Variants in ACTR5 observed in about 807,000 individuals in gnomAD.
ACTR5 encodes the protein actin-related protein 5.
A neutral mutation model predicts 61.2 loss-of-function variants in ACTR5; 43 were observed. That is an observed-to-expected ratio of 0.70 (90% CI 0.55 to 0.91). ACTR5 has a LOEUF of 0.91. Ranked by LOEUF, ACTR5 falls within the 40% of genes least tolerant of loss-of-function variation. ACTR5 has a pLI of 0.00. For missense variants in ACTR5, 798 were observed against 782.2 expected, an observed-to-expected ratio of 1.02 and a Z score of -0.24; for synonymous variants, 333 against 310.5, an observed-to-expected ratio of 1.07 and a Z score of -0.76.
chr20:38,754,727 C>T (rs6064986), intron 3 of ACTR5, among the ~76,000 whole-genome samples: 116,834 of 151,692 alleles, frequency 0.77, 45,525 homozygotes, highest in African/African-American at 0.9. Context: ...TACCTGGGAT[C>T]ACAGGTGCCC....
chr20:38,770,572 G>C (rs2084513785), intron 8 of ACTR5, among the ~76,000 whole-genome samples: 1 of 152,132 alleles, frequency 6.6e-6, no homozygotes, highest in Non-Finnish European at 1.5e-5. Context: ...TTTTATGGCT[G>C]TATAGTCTAT....
chr20:38,762,726 GA>G (rs2084462542), intron 5 of ACTR5, among the ~76,000 whole-genome samples: 1 of 152,130 alleles, frequency 6.6e-6, no homozygotes, highest in Non-Finnish European at 1.5e-5. Context: ...GAATCCACAG[GA>G]AAGGTCATCA....
chr20:38,766,109 G>A, intron 6 of ACTR5, 129 bp from the exon 7 acceptor site: 1 of 1,003,270 alleles, frequency 1.0e-6, no homozygotes, highest in East Asian at 2.5e-5. Context: ...AAGAGAGTTG[G>A]GAGAAGCTAT....
At chr20:38,755,234 T>A in intron 4 of ACTR5, 60 bp downstream of exon 4, 1 of 1,467,032 alleles carries the variant, frequency 6.8e-7, no homozygotes, top group Non-Finnish European at 9.1e-7. Flanking sequence ...TCAGAAGATT[T>A]TCTTGCATAT....
chr20:38,771,576 C>T lies in ACTR5; in HGVS notation c.1584C>T (p.Asn528=). 1.2e-6 allele frequency: 2 copies of T among 1,613,586 alleles called. No individual in the cohort carries two copies. Among genetic ancestry groups the T allele is most frequent in the Non-Finnish European group, 1.7e-6 (2 of 1,179,616 alleles). The change falls in exon 9 of 9, where the codon AAC becomes AAT. Residue 528 remains asparagine, a synonymous_variant. Transcript: ENST00000243903. The stretch of plus-strand genomic sequence containing the variant: ...TGTTTCAGGTTCAACTTGCCTCGAA[C>T]CCTGTGCTGGATGCCTGGTACGGTG... ...RSSFQVQLAS[N]PVLDAWYGAR...
intron 2 of ACTR5, among the ~76,000 whole-genome samples, chr20:38,751,877 G>A (rs946618438): frequency 3.3e-5 from 5 of 152,216 alleles, no homozygotes; most frequent in African/African-American, 7.2e-5. Flanking sequence ...AATATATGAC[G>A]AGACTCATTA....
Position 38,752,072 on chromosome 20 carries a change from A to G in ACTR5, c.606-59A>G, listed in dbSNP as rs2084390349. On this transcript the variant is annotated intron_variant, in intron 2 of 8. Transcript: ENST00000243903. Reference sequence around the variant, plus strand: ...CTTAAATTATCTTGTTTCTCCCAAGATGCTCCATATTTCTGTCCTCCAGAA... The same window carrying G: ...CTTAAATTATCTTGTTTCTCCCAAGGTGCTCCATATTTCTGTCCTCCAGAA... The G allele has an allele frequency of 1.7e-5, 27 of 1,552,348 alleles. 1 individual carries two copies. The South Asian group carries it at 2.9e-4, about 16-fold the overall frequency.
In ACTR5 at chr20:38,765,546, T is replaced by C. The variant is rs754647483; in HGVS notation, c.1293+28T>C. On this transcript the variant is annotated intron_variant, in intron 6 of 8. Transcript: ENST00000243903. Reference sequence around the variant, plus strand: ...TTGACTTCTACAGCCCAGAACATGCTTATTCTTTGAAGGTGTTGACCTAAA... The same window carrying C: ...TTGACTTCTACAGCCCAGAACATGCCTATTCTTTGAAGGTGTTGACCTAAA... 8 of 1,576,050 alleles carry C rather than the reference T, an allele frequency of 5.1e-6. No individual in the cohort carries two copies. The South Asian group carries it at 7.8e-5, about 15-fold the overall frequency.
At chr20:38,764,385 C>G (rs1463901812) in intron 5 of ACTR5, among the ~76,000 whole-genome samples, 1 of 152,220 alleles carries the variant, frequency 6.6e-6, no homozygotes, top group Non-Finnish European at 1.5e-5. Flanking sequence ...CAGAACTTCT[C>G]TCCATTGAGT....
At chr20:38,769,505 A>G (rs911390812) in intron 8 of ACTR5, among the ~76,000 whole-genome samples, 3 of 152,184 alleles carry the variant, frequency 2.0e-5, no homozygotes, top group African/African-American at 7.2e-5. Context: ...CTAAATTCTA[A>G]GTGGAGCAAC....
chr20:38,767,907 C>A (rs914632836), intron 8 of ACTR5, among the ~76,000 whole-genome samples: 1 of 152,194 alleles, frequency 6.6e-6, no homozygotes, highest in Non-Finnish European at 1.5e-5. Flanking sequence ...TACATTGGAG[C>A]GTTCCAGACA....
intron 5 of ACTR5, among the ~76,000 whole-genome samples, chr20:38,758,222 C>G (rs1006096591): frequency 1.3e-5 from 2 of 152,158 alleles, no homozygotes; most frequent in Non-Finnish European, 2.9e-5. Context: ...ACCCATTCCC[C>G]CATTCTTTCA....
rs1365104763 is a variant in ACTR5 at position 38,748,836 on chromosome 20, C to T, written c.358C>T (p.Leu120=). The T allele has an allele frequency of 7.5e-6, 12 of 1,607,878 alleles. No homozygotes were observed. Among genetic ancestry groups the T allele is most frequent in the Non-Finnish European group, 1.0e-5 (12 of 1,178,442 alleles). The change falls in exon 1 of 9, where the codon CTG becomes TTG. Residue 120 remains leucine, a synonymous_variant. Coordinates refer to ENST00000243903, the MANE Select transcript of ACTR5 (RefSeq NM_024855.4). Reference sequence around the variant, plus strand: ...GCTGCTGGACTACAGCTTCCAGCACCTGGGTGTCTCCTCACAGGTGAAGGG... The same window carrying T: ...GCTGCTGGACTACAGCTTCCAGCACTTGGGTGTCTCCTCACAGGTGAAGGG... ...ELLLDYSFQH[L]GVSSQGCVDH... is the part of the protein sequence containing the mutation.
chr20:38,766,349 G>A lies in ACTR5; in HGVS notation c.1405G>A (p.Ala469Thr), dbSNP rs759126328. Reference sequence around the variant, plus strand: ...CATAGGAGAAGAACAGGCTGGGATTGCAGAGACTCTTCAGTACATTCTGGA... The same window carrying A: ...CATAGGAGAAGAACAGGCTGGGATTACAGAGACTCTTCAGTACATTCTGGA... ...SLIGEEQAGIAETLQYILDRY... is the reference protein window; with the variant it reads ...SLIGEEQAGITETLQYILDRY... The change falls in exon 7 of 9, where the codon GCA (alanine) becomes ACA (threonine). Residue 469 changes from alanine (A) to threonine (T), a missense_variant. Coordinates refer to ENST00000243903, the MANE Select transcript of ACTR5 (RefSeq NM_024855.4). 3 of 1,612,188 alleles carry A rather than the reference G, an allele frequency of 1.9e-6. No individual in the cohort carries two copies. The highest frequency in any genetic ancestry group is 2.2e-5 in the East Asian group (1 of 44,864).
chr20:38,766,209 A>T (rs770940674), intron 6 of ACTR5, 29 bp from the exon 7 acceptor site: 9 of 1,586,448 alleles, frequency 5.7e-6, no homozygotes, highest in Admixed American at 3.8e-5. Flanking sequence ...TTGGCCTAAA[A>T]ATATCTTTTA....
At chr20:38,763,622 T>C (rs1288728892) in intron 5 of ACTR5, among the ~76,000 whole-genome samples, 1 of 152,270 alleles carries the variant, frequency 6.6e-6, no homozygotes, top group Non-Finnish European at 1.5e-5. Context: ...TGAGCAGTTC[T>C]GCCTCTTCCC....
chr20:38,754,274 A>G (rs1220256790), intron 3 of ACTR5, among the ~76,000 whole-genome samples: 1 of 152,112 alleles, frequency 6.6e-6, no homozygotes, highest in Non-Finnish European at 1.5e-5. Flanking sequence ...TCGCTGAAGA[A>G]CTTACTTAGC....
intron 5 of ACTR5, chr20:38,761,429 A>C (rs1252971303): frequency 6.6e-6 from 1 of 152,280 alleles, no homozygotes; most frequent in Non-Finnish European, 1.5e-5. Flanking sequence ...AAAGGAAGCC[A>C]AAAGGGTTGA....
At chr20:38,764,581 T>C (rs1305531066) in intron 5 of ACTR5, among the ~76,000 whole-genome samples, 2 of 152,210 alleles carry the variant, frequency 1.3e-5, no homozygotes, top group African/African-American at 2.4e-5. Context: ...TAGCAAGCAC[T>C]CTGCTACCTT....
Sources: allele counts gnomAD v4.1 joint callset (sites outside exome capture counted in the v4.1 genomes callset), GRCh38; gene constraint gnomAD v4.1.1; transcripts MANE v1.5; gene names NCBI Gene and HGNC (gene_info 2026-07-23, HGNC 2026-07-21).